Variants in KATNA1 observed in about 807,000 individuals in gnomAD.
The protein encoded by KATNA1 is katanin catalytic subunit A1.
A neutral mutation model predicts 62.6 loss-of-function variants in KATNA1; 42 were observed. The ratio of observed to expected loss-of-function variants is 0.67; its 90% CI spans 0.52 to 0.87. The LOEUF (loss-of-function observed/expected upper bound fraction) is 0.87, where lower values mean the gene tolerates loss of function less well. Ranked by LOEUF, KATNA1 falls within the 40% of genes least tolerant of loss-of-function variation. KATNA1 has a pLI of 0.00. For synonymous variants in KATNA1, 186 were observed against 201.9 expected, an observed-to-expected ratio of 0.92 and a Z score of 0.67; for missense variants, 498 against 612.5, an observed-to-expected ratio of 0.81 and a Z score of 1.97.
chr6:149,621,063 C>G (rs996837168), intron 4 of KATNA1, among the ~76,000 whole-genome samples: 1 of 151,828 alleles, frequency 6.6e-6, no homozygotes, highest in Admixed American at 6.6e-5. Context: ...AAGCAGACAC[C>G]ACCTAACCAA....
At chr6:149,617,979 TAA>T (rs1397508495) in intron 4 of KATNA1, among the ~76,000 whole-genome samples, 11 of 121,484 alleles carry the variant, frequency 9.1e-5, no homozygotes, top group African/African-American at 3.2e-4. Context: ...ATAAAATAAA[TAA>T]ATAAATAAAT....
Position 149,620,803 on chromosome 6 carries a change from TAACA to T in KATNA1, c.501+2296_501+2299del, listed in dbSNP as rs562612134. 3.6e-3 allele frequency among the ~76,000 whole-genome samples: 555 copies of T among 152,240 alleles called. 3 individuals are homozygous for T. The highest frequency in any genetic ancestry group is 0.013 in the African/African-American group (525 of 41,542). On this transcript the variant is annotated intron_variant, in intron 4 of 10. Coordinates refer to ENST00000367411, the MANE Select transcript of KATNA1 (RefSeq NM_007044.4). Reference sequence around the variant, plus strand: ...TGATTATTATGTGTCAAATTAAAAATAACAAACAAAAATTTTTAAAAACCAAAGC... The same window carrying T: ...TGATTATTATGTGTCAAATTAAAAATAACAAAAATTTTTAAAAACCAAAGC...
intron 7 of KATNA1, among the ~76,000 whole-genome samples, chr6:149,601,304 T>C (rs1449789089): frequency 6.6e-6 from 1 of 152,210 alleles, no homozygotes; most frequent in Non-Finnish European, 1.5e-5. Context: ...ACTAAACCTA[T>C]TGATTTAAAA....
Position 149,632,883 on chromosome 6 carries a change from C to T in KATNA1, c.196G>A (p.Val66Ile). The T allele has an allele frequency of 6.2e-7, 1 of 1,609,502 alleles. No individual in the cohort carries two copies. Among genetic ancestry groups the T allele is most frequent in the Non-Finnish European group, 8.5e-7 (1 of 1,179,052 alleles). Residue 66 changes from valine (V) to isoleucine (I), a missense_variant, in exon 3 of 11, where the codon GTT (valine) becomes ATT (isoleucine). Around this residue, in one of 3 missense-constraint regions of KATNA1, gnomAD observed 203 missense variants for 198.4 expected, o/e 1.02. Transcript: ENST00000367411. Reference protein sequence around the residue: ...WQEINVEAKHVKDIMKTLESF... With the variant: ...WQEINVEAKHIKDIMKTLESF... ...TCTAGTGTTTTCATGATATCTTTAA[C>T]ATGTTTAGCTTCCACATTTATTTCC...
chr6:149,613,647 T>G (rs567839700), intron 4 of KATNA1, among the ~76,000 whole-genome samples: 2 of 152,282 alleles, frequency 1.3e-5, no homozygotes, highest in South Asian at 4.1e-4. Context: ...ATCTGTTTGA[T>G]GCAACTATTT....
chr6:149,628,837 A>G (rs915332875), intron 3 of KATNA1, among the ~76,000 whole-genome samples: 2 of 151,990 alleles, frequency 1.3e-5, no homozygotes, highest in African/African-American at 4.8e-5. Flanking sequence ...AAAAAGAAAA[A>G]AAAAAGAATG....
In KATNA1 at chr6:149,595,135, C is replaced by T; in HGVS notation, c.1377G>A (p.Met459Ile). Residue 459 changes from methionine to isoleucine, a missense_variant, in exon 11 of 11, where the codon ATG becomes ATA. Coordinates refer to ENST00000367411, the MANE Select transcript of KATNA1 (RefSeq NM_007044.4). The stretch of plus-strand genomic sequence containing the variant: ...TTTTTAAAGCCATCTCGAAATCCTC[C>T]ATAGTTGTAGGCATGTGCATTTCTT... The part of the protein sequence containing the change: ...SKEEMHMPTT[M>I]EDFEMALKKV... 1 of 1,614,062 alleles carries T rather than the reference C, an allele frequency of 6.2e-7. No individual in the cohort carries two copies. The highest frequency in any genetic ancestry group is 8.5e-7 in the Non-Finnish European group (1 of 1,179,966).
Position 149,603,340 on chromosome 6 carries a change from CTTT to C in KATNA1, c.654_656del (p.Lys219del). 6.3e-7 allele frequency: 1 copy of C among 1,597,536 alleles called. No individual in the cohort carries two copies. The highest frequency in any genetic ancestry group is 8.6e-7 in the Non-Finnish European group (1 of 1,167,906). The stretch of plus-strand genomic sequence containing the variant: ...GTAACACTACGGCTTCCTTAAGCAA[CTTT>C]TTAGCTTCTACTAAATCAGCGATAT... On this transcript the variant is annotated inframe_deletion, in exon 6 of 11. Transcript: ENST00000367411.
At chr6:149,648,152 G>C (rs1298472166) in intron 1 of KATNA1, among the ~76,000 whole-genome samples, 2 of 152,124 alleles carry the variant, frequency 1.3e-5, no homozygotes, top group Admixed American at 1.3e-4. Flanking sequence ...GGGCGTGAGC[G>C]GGTTCTGGAG....
At chr6:149,638,730 G>GTTTTTTTT (rs1217719467) in intron 1 of KATNA1, 170 bp from the exon 2 acceptor site, 24 of 99,832 alleles carry the variant, frequency 2.4e-4, no homozygotes, top group Admixed American at 8.3e-4. Context: ...AAAAAACATT[G>GTTTTTTTT]TTTTTTTTTT....
intron 4 of KATNA1, among the ~76,000 whole-genome samples, chr6:149,616,904 C>T (rs187713033): frequency 1.6e-3 from 240 of 152,214 alleles, no homozygotes; most frequent in Middle Eastern, 3.4e-3. Flanking sequence ...GTGACAGCAA[C>T]CCAAGTGTAC....
rs112165893 is a variant in KATNA1, at chr6:149,594,877, C to G, written c.*159G>C. ...GTAATGCTAAAGTAAAACAAATTTT[C>G]AGCTTAAAAATATTGCCTTTATTCA... On this transcript the variant is annotated 3_prime_UTR_variant, in exon 11 of 11. Coordinates refer to ENST00000367411, the MANE Select transcript of KATNA1 (RefSeq NM_007044.4). 10,098 of 542,968 alleles carry G rather than the reference C, an allele frequency of 0.019. 118 individuals carry two copies. Among genetic ancestry groups the G allele is most frequent in the Middle Eastern group, 0.042 (86 of 2,024 alleles). The allele number at this position is 542,968 out of a possible 1,614,324, so 33.6% of individuals were successfully genotyped here.
chr6:149,603,223 A>G (rs1177535388), intron 6 of KATNA1, 45 bp downstream of exon 6: 1 of 792,488 alleles, frequency 1.3e-6, no homozygotes, highest in East Asian at 2.6e-5. Flanking sequence ...CTGTATCAAC[A>G]TGCTGCCATT....
chr6:149,595,855 T>G (rs1430807001), intron 10 of KATNA1, among the ~76,000 whole-genome samples: 3 of 152,218 alleles, frequency 2.0e-5, no homozygotes, highest in Admixed American at 1.3e-4. Flanking sequence ...AAGCCCCTGG[T>G]TAATTAAGTG....
intron 1 of KATNA1, among the ~76,000 whole-genome samples, chr6:149,646,991 TA>T (rs1339242727): frequency 3.9e-5 from 6 of 152,216 alleles, no homozygotes; most frequent in African/African-American, 1.4e-4. Context: ...AGCATCTTGA[TA>T]CCAGTTTCAA....
At chr6:149,623,566 G>A (rs867365640) in intron 3 of KATNA1, among the ~76,000 whole-genome samples, 19 of 151,856 alleles carry the variant, frequency 1.3e-4, no homozygotes, top group Middle Eastern at 3.2e-3. Context: ...TTGATACCCC[G>A]TCTCTACTAA....
chr6:149,645,706 TTA>T (rs1780459955), intron 1 of KATNA1, among the ~76,000 whole-genome samples: 1 of 152,200 alleles, frequency 6.6e-6, no homozygotes, highest in Non-Finnish European at 1.5e-5. Flanking sequence ...CCTTGAGTAT[TTA>T]TGAGTTAGCT....
At chr6:149,629,037 C>T (rs1405387919) in intron 3 of KATNA1, among the ~76,000 whole-genome samples, 1 of 151,926 alleles carries the variant, frequency 6.6e-6, no homozygotes, top group Non-Finnish European at 1.5e-5. Flanking sequence ...CAGAAGAAAG[C>T]GAGAAGCAAT....
intron 3 of KATNA1, among the ~76,000 whole-genome samples, chr6:149,624,233 CTT>C (rs1779519082): frequency 6.6e-6 from 1 of 151,994 alleles, no homozygotes; most frequent in Non-Finnish European, 1.5e-5. Flanking sequence ...TTTTGAAACA[CTT>C]TGAATTTTCG....
Sources: allele counts gnomAD v4.1 joint callset (sites outside exome capture counted in the v4.1 genomes callset), GRCh38; gene constraint gnomAD v4.1.1; regional missense constraint gnomAD v4.1.1; transcripts MANE v1.5; gene names NCBI Gene and HGNC (gene_info 2026-07-23, HGNC 2026-07-21).